The following SYN3 variants were observed in gnomAD, a reference collection of about 807,000 sequenced individuals.
SYN3 encodes synapsin III, also known as synapsin-3.
In SYN3, 35 loss-of-function variants were observed where a neutral mutation model predicts 65.8. That is an observed-to-expected ratio of 0.53 (90% CI 0.41 to 0.70). The LOEUF (loss-of-function observed/expected upper bound fraction) is 0.70, where lower values mean the gene tolerates loss of function less well. Ranked by LOEUF, SYN3 falls within the 30% of genes least tolerant of loss-of-function variation. The pLI is 0.00. For synonymous variants in SYN3, 270 were observed against 292.9 expected, an observed-to-expected ratio of 0.92 and a Z score of 0.80; for missense variants, 680 against 749.0, an observed-to-expected ratio of 0.91 and a Z score of 1.08.
At chr22:32,991,370 ATAG>A (rs911068237) in intron 2 of SYN3, among the ~76,000 whole-genome samples, 1,956 of 146,914 alleles carry the variant, frequency 0.013, 50 homozygotes, top group African/African-American at 0.041. Context: ...AATAATAATA[ATAG>A]TAATAATAGA....
chr22:32,557,518 T>C (rs2058521028), intron 7 of SYN3, among the ~76,000 whole-genome samples: 1 of 152,240 alleles, frequency 6.6e-6, no homozygotes, highest in Non-Finnish European at 1.5e-5. Context: ...TACTGCACAG[T>C]TTACATGTAT....
At chr22:32,604,885 A>T (rs933985915) in intron 6 of SYN3, among the ~76,000 whole-genome samples, 1 of 151,758 alleles carries the variant, frequency 6.6e-6, no homozygotes, top group Non-Finnish European at 1.5e-5. Flanking sequence ...GGGTGCCTGT[A>T]GTCCCAGCTA....
At chr22:32,706,189 C>T (rs1020815094) in intron 6 of SYN3, among the ~76,000 whole-genome samples, 2 of 152,140 alleles carry the variant, frequency 1.3e-5, no homozygotes, top group African/African-American at 4.8e-5. Context: ...ATGATGTTGG[C>T]TGTGGATTTG....
At chr22:32,864,864 C>T in intron 6 of SYN3, 51 bp downstream of exon 6, 1 of 1,517,676 alleles carries the variant, frequency 6.6e-7, no homozygotes, top group Non-Finnish European at 9.2e-7. Flanking sequence ...GACAAGTCAT[C>T]TGTATTCATT....
chr22:33,043,516 C>A (rs765443890), intron 1 of SYN3, among the ~76,000 whole-genome samples: 36 of 152,010 alleles, frequency 2.4e-4, no homozygotes, highest in East Asian at 1.9e-4. Context: ...CCATTGCACT[C>A]CAGCTTGGGC....
chr22:32,678,532 T>TTCC (rs71187209), intron 6 of SYN3, among the ~76,000 whole-genome samples: 16,037 of 151,508 alleles, frequency 0.11, 1,656 homozygotes, highest in East Asian at 0.6. Context: ...TTGAAAGACC[T>TTCC]TCCTCCTCCT....
At chr22:32,875,743 T>C (rs1438250667) in intron 4 of SYN3, among the ~76,000 whole-genome samples, 3 of 152,154 alleles carry the variant, frequency 2.0e-5, no homozygotes, top group Non-Finnish European at 4.4e-5. Flanking sequence ...GGATTGCTGG[T>C]GACCTTCAGG....
At chr22:32,763,933 G>GCC (rs59896920) in intron 6 of SYN3, among the ~76,000 whole-genome samples, 1 of 142,000 alleles carries the variant, frequency 7.0e-6, no homozygotes, top group Non-Finnish European at 1.5e-5. Flanking sequence ...TGGTGTAGAA[G>GCC]CCCCCCCCCC....
Position 32,528,170 on chromosome 22 carries a change from C to T in SYN3, c.1231-165G>A, listed in dbSNP as rs73172111. Among the ~76,000 whole-genome samples, 506 of 152,278 alleles carry T rather than the reference C, an allele frequency of 3.3e-3. 2 individuals carry two copies. The highest frequency in any genetic ancestry group is 5.4e-3 in the Non-Finnish European group (370 of 68,024). On this transcript the variant is annotated intron_variant, in intron 11 of 13. Coordinates refer to ENST00000358763, the MANE Select transcript of SYN3 (RefSeq NM_003490.4). ...TGTAGTGAAGTTCTATATGTGTATA[C>T]GTCGGTGTAACCACTGCCCAGATCA...
At chr22:32,751,154 G>A (rs1485018746) in intron 6 of SYN3, among the ~76,000 whole-genome samples, 1 of 151,962 alleles carries the variant, frequency 6.6e-6, no homozygotes, top group Non-Finnish European at 1.5e-5. Flanking sequence ...ACGCCAGGAG[G>A]GACGCTGGTG....
chr22:33,038,553 G>A (rs889376302), intron 1 of SYN3, among the ~76,000 whole-genome samples: 1 of 152,144 alleles, frequency 6.6e-6, no homozygotes, highest in Non-Finnish European at 1.5e-5. Context: ...TTCTCAGAAT[G>A]GCAGAAAAGC....
At chr22:33,020,505 G>T (rs1432612140) in intron 1 of SYN3, among the ~76,000 whole-genome samples, 1 of 152,158 alleles carries the variant, frequency 6.6e-6, no homozygotes, top group Non-Finnish European at 1.5e-5. Flanking sequence ...CTATTAAAAT[G>T]ATTCTTCCAA....
intron 12 of SYN3, 117 bp downstream of exon 12, chr22:32,527,801 A>G (rs2058004567): frequency 1.2e-6 from 1 of 826,810 alleles, no homozygotes; most frequent in African/African-American, 1.7e-5. Flanking sequence ...CATTCTGTGG[A>G]TAAAGTATTC....
intron 6 of SYN3, 146 bp from the exon 7 acceptor site, chr22:32,596,882 A>G (rs1318435073): frequency 8.6e-6 from 7 of 811,588 alleles, no homozygotes; most frequent in East Asian, 2.7e-5. Context: ...TCACCCAGCC[A>G]TGGCCCAAAC....
At chr22:32,637,604 C>T (rs901222027) in intron 6 of SYN3, among the ~76,000 whole-genome samples, 11 of 147,294 alleles carry the variant, frequency 7.5e-5, no homozygotes, top group Non-Finnish European at 1.0e-4. Context: ...TAGTACCCAA[C>T]AGTTAGGTTT....
At chr22:32,567,356 T>TC (rs1569045561) in intron 7 of SYN3, among the ~76,000 whole-genome samples, 1 of 93,448 alleles carries the variant, frequency 1.1e-5, no homozygotes, top group Non-Finnish European at 2.2e-5. Context: ...CTCCCTCCCT[T>TC]CTTTCCTTCC....
intron 6 of SYN3, among the ~76,000 whole-genome samples, chr22:32,675,580 G>A (rs924651457): frequency 1.1e-4 from 16 of 152,230 alleles, no homozygotes; most frequent in African/African-American, 3.9e-4. Context: ...CAGCCCCAGA[G>A]TAACACGTTT....
intron 3 of SYN3, 49 bp downstream of exon 3, chr22:32,980,596 G>A (rs1257213857): frequency 6.4e-7 from 1 of 1,562,450 alleles, no homozygotes; most frequent in Non-Finnish European, 8.8e-7. Flanking sequence ...AACAGCCCCA[G>A]CGGCAGAAAA....
chr22:33,045,386 G>A (rs1320298837), intron 1 of SYN3, among the ~76,000 whole-genome samples: 3 of 149,816 alleles, frequency 2.0e-5, no homozygotes, highest in Non-Finnish European at 3.0e-5. Flanking sequence ...ACATCTCCAG[G>A]TATGTTACTA....
Sources: gnomAD v4.1 joint callset for allele counts (sites outside exome capture counted in the v4.1 genomes callset) on GRCh38, gnomAD v4.1.1 for gene constraint, MANE v1.5 for transcripts, NCBI Gene and HGNC (gene_info 2026-07-23, HGNC 2026-07-21) for gene names.